ARHGEF3: variants seen among roughly 807,000 people sequenced by gnomAD.
ARHGEF3 encodes 59.8 kDA protein.
ARHGEF3 carries 28 observed loss-of-function variants against 63.2 expected under a neutral mutation model. The ratio of observed to expected loss-of-function variants is 0.44; its 90% confidence interval spans 0.33 to 0.61. ARHGEF3 has a LOEUF of 0.61. ARHGEF3 is among the 20% of genes least tolerant of loss of function. The pLI is 0.03. For synonymous variants in ARHGEF3, 266 were observed against 254.2 expected (o/e 1.05, Z -0.44); for missense variants, 533 against 659.3 (o/e 0.81, Z 2.10).
At chr3:57,068,182 C>CAG (rs1162999184) in intron 1 of ARHGEF3, among the ~76,000 whole-genome samples, 2 of 151,560 alleles carry the variant, frequency 1.3e-5, no homozygotes, top group African/African-American at 2.4e-5. Context: ...CACACACACA[C>CAG]ACACACACCA....
chr3:56,939,180 C>T (rs546384932), intron 3 of ARHGEF3, among the ~76,000 whole-genome samples: 2 of 152,266 alleles, frequency 1.3e-5, no homozygotes, highest in East Asian at 1.9e-4. Flanking sequence ...CCAACCTCCA[C>T]GCAAGAGGCT....
Position 56,885,506 on chromosome 3 carries a change from G to A in ARHGEF3, c.130-3152C>T, listed in dbSNP as rs1288039948. Among the ~76,000 whole-genome samples the A allele has an allele frequency of 2.6e-5, 4 of 152,106 alleles. No individual in the cohort carries two copies. In the South Asian group the frequency reaches 8.3e-4, roughly 32 times the overall value. ...TCCATTCCTTGAGCTCAATGATTTTGTCAACCTGACATGTTGACAGTAGCC... is the reference window on the plus strand; with the variant it reads ...TCCATTCCTTGAGCTCAATGATTTTATCAACCTGACATGTTGACAGTAGCC... On this transcript the variant is annotated intron_variant, in intron 3 of 12. Transcript: ENST00000338458.
chr3:57,044,810 C>G (rs1388442477), intron 1 of ARHGEF3, among the ~76,000 whole-genome samples: 2 of 152,192 alleles, frequency 1.3e-5, no homozygotes, highest in Admixed American at 1.3e-4. Flanking sequence ...AAGCGGTCAA[C>G]CCCTGCCTGG....
chr3:56,944,973 G>A (rs925679672), intron 3 of ARHGEF3, among the ~76,000 whole-genome samples: 9 of 152,162 alleles, frequency 5.9e-5, no homozygotes, highest in African/African-American at 1.9e-4. Context: ...TCCATAAACT[G>A]AATTGATAAA....
At chr3:56,840,233 G>A (rs2039265862) in intron 4 of ARHGEF3, among the ~76,000 whole-genome samples, 1 of 152,132 alleles carries the variant, frequency 6.6e-6, no homozygotes. Flanking sequence ...GCCAACAACA[G>A]TCAACAACAG....
In ARHGEF3 at chr3:57,067,916, G is replaced by A. The variant is rs537756292; in HGVS notation, c.-28+11310C>T. Among the ~76,000 whole-genome samples, 11 of 152,072 alleles carry A rather than the reference G, an allele frequency of 7.2e-5. No individual in the cohort carries two copies. In the South Asian group the frequency reaches 2.3e-3, roughly 32 times the overall value. On this transcript the variant is annotated intron_variant, in intron 1 of 12. Coordinates refer to the ARHGEF3 transcript ENST00000338458. ...GAGGTAGGAGAATGGCGTGAACCTG[G>A]GAGGCAGAGCTTGCAGTGAGCCAAG...
At chr3:56,938,892 G>A (rs1381068399) in intron 3 of ARHGEF3, 1 of 152,246 alleles carries the variant, frequency 6.6e-6, no homozygotes, top group African/African-American at 2.4e-5. Context: ...TGTACAGAGA[G>A]ATAGGACATT....
intron 2 of ARHGEF3, among the ~76,000 whole-genome samples, chr3:56,988,210 G>A (rs576905612): frequency 3.3e-5 from 5 of 152,298 alleles, no homozygotes; most frequent in African/African-American, 1.2e-4. Context: ...GCAGTGGCGC[G>A]ATCTTGGCTC....
At chr3:57,058,975 C>T (rs1173903027) in intron 1 of ARHGEF3, among the ~76,000 whole-genome samples, 2 of 126,210 alleles carry the variant, frequency 1.6e-5, no homozygotes, top group East Asian at 4.7e-4. Context: ...GGGAACATCA[C>T]ACACCAGGGA....
intron 1 of ARHGEF3, among the ~76,000 whole-genome samples, chr3:57,040,149 C>G (rs944260159): frequency 7.2e-5 from 11 of 152,180 alleles, no homozygotes; most frequent in African/African-American, 2.7e-4. Flanking sequence ...ATGCCAAACA[C>G]AAGAGTGTGT....
intron 3 of ARHGEF3, among the ~76,000 whole-genome samples, chr3:56,958,625 C>A (rs762203806): frequency 8.5e-5 from 13 of 152,148 alleles, no homozygotes; most frequent in African/African-American, 3.1e-4. Flanking sequence ...AGCTATCACG[C>A]CTGGCCACCA....
At chr3:56,866,725 CT>C (rs1321343201) in intron 4 of ARHGEF3, among the ~76,000 whole-genome samples, 1 of 152,194 alleles carries the variant, frequency 6.6e-6, no homozygotes, top group East Asian at 1.9e-4. Flanking sequence ...TGATTGATAA[CT>C]CCTTACAAGC....
intron 4 of ARHGEF3, among the ~76,000 whole-genome samples, chr3:56,816,525 A>G (rs1301981052): frequency 6.6e-6 from 1 of 152,226 alleles, no homozygotes; most frequent in African/African-American, 2.4e-5. Flanking sequence ...TCGCTTGTAC[A>G]AGGCTACATC....
intron 6 of ARHGEF3, 131 bp downstream of exon 6, chr3:56,750,925 A>ATT: frequency 5.2e-6 from 3 of 578,240 alleles, no homozygotes; most frequent in Admixed American, 4.0e-5. Context: ...TTTTACTAGG[A>ATT]TTTTTTTTTC....
At chr3:57,001,287 C>T (rs868454834) in intron 2 of ARHGEF3, among the ~76,000 whole-genome samples, 1 of 152,194 alleles carries the variant, frequency 6.6e-6, no homozygotes, top group Non-Finnish European at 1.5e-5. Flanking sequence ...GACTTATCCA[C>T]GTTGATGCAT....
chr3:56,830,773 C>T (rs746062525), intron 4 of ARHGEF3, among the ~76,000 whole-genome samples: 23 of 152,160 alleles, frequency 1.5e-4, no homozygotes, highest in Admixed American at 2.6e-4. Flanking sequence ...CAGGCCAGGA[C>T]ATTTGTGCCG....
At chr3:56,942,876 T>C (rs1699258528) in intron 3 of ARHGEF3, among the ~76,000 whole-genome samples, 1 of 152,204 alleles carries the variant, frequency 6.6e-6, no homozygotes, top group African/African-American at 2.4e-5. Flanking sequence ...GCCACAACAT[T>C]CCTCTAAGCC....
chr3:56,850,759 AGG>A (rs2039649673), intron 4 of ARHGEF3, among the ~76,000 whole-genome samples: 1 of 152,192 alleles, frequency 6.6e-6, no homozygotes, highest in African/African-American at 2.4e-5. Context: ...CAGGCCTTCA[AGG>A]GGCTCACACT....
intron 2 of ARHGEF3, among the ~76,000 whole-genome samples, chr3:56,975,399 C>T (rs1194938483): frequency 1.3e-5 from 2 of 152,014 alleles, no homozygotes; most frequent in Non-Finnish European, 2.9e-5. Context: ...GCCTGGGCAA[C>T]AGAGCAAGAC....
Sources: gnomAD v4.1 joint callset for allele counts (sites outside exome capture counted in the v4.1 genomes callset) on GRCh38, gnomAD v4.1.1 for gene constraint, MANE v1.5 for transcripts, NCBI Gene and HGNC (gene_info 2026-07-23, HGNC 2026-07-21) for gene names.